TRPM8: variants seen among roughly 807,000 people sequenced by gnomAD.
TRPM8 encodes transient receptor potential cation channel subfamily M member 8.
In TRPM8, 110 loss-of-function variants were observed where a neutral mutation model predicts 133.7. The observed-to-expected ratio is 0.82, with a 90% confidence interval of 0.70 to 0.96. The LOEUF (loss-of-function observed/expected upper bound fraction) is 0.96, where lower values mean the gene tolerates loss of function less well. Among genes scored for constraint, TRPM8 ranks in the 40% least tolerant of loss-of-function variants. The pLI, the probability that TRPM8 is intolerant of heterozygous loss-of-function variation, is 0.00. For synonymous variants in TRPM8, 535 were observed against 532.3 expected (o/e 1.01, Z -0.07); for missense variants, 1,291 against 1,379.5 (o/e 0.94, Z 1.02).
At chr2:233,951,511 A>G (rs907087226) in intron 9 of TRPM8, among the ~76,000 whole-genome samples, 3 of 152,166 alleles carry the variant, frequency 2.0e-5, no homozygotes, top group Non-Finnish European at 4.4e-5. Context: ...TGACCAGGCC[A>G]TGTCCAACGA....
chr2:233,960,511 C>A (rs1268028580), intron 11 of TRPM8, among the ~76,000 whole-genome samples: 1 of 152,160 alleles, frequency 6.6e-6, no homozygotes, highest in African/African-American at 2.4e-5. Flanking sequence ...TAGCAAGGGG[C>A]CAAGTCACAT....
At chr2:233,929,624 C>T (rs1691642899) in intron 2 of TRPM8, 1 of 152,234 alleles carries the variant, frequency 6.6e-6, no homozygotes, top group Non-Finnish European at 1.5e-5. Context: ...AGCCCCACCT[C>T]CCCAGGGAAA....
chr2:233,926,549 G>C lies in TRPM8; in HGVS notation c.12G>C (p.Arg4=). 6.2e-7 allele frequency: 1 copy of C among 1,613,978 alleles called. No homozygotes were observed. The highest frequency in any genetic ancestry group is 8.5e-7 in the Non-Finnish European group (1 of 1,179,940). MSF[R]AARLSMRNRR... is the part of the protein sequence containing the mutation. ...TCGTCACAGAAAAGATGTCCTTTCG[G>C]GCAGCCAGGCTCAGCATGAGGAACA... Residue 4 remains arginine (R), a synonymous_variant, in exon 2 of 26, where the codon CGG becomes CGC. Transcript: ENST00000324695.
intron 6 of TRPM8, among the ~76,000 whole-genome samples, chr2:233,944,849 A>G (rs905586573): frequency 6.6e-6 from 1 of 152,206 alleles, no homozygotes; most frequent in African/African-American, 2.4e-5. Context: ...TTCTAAGTGT[A>G]TTACATATAT....
At chr2:234,001,169 G>C (rs1692554529) in intron 22 of TRPM8, among the ~76,000 whole-genome samples, 2 of 152,106 alleles carry the variant, frequency 1.3e-5, no homozygotes, top group South Asian at 4.1e-4. Context: ...TAAGGAGTGT[G>C]CCTCTCACAT....
At chr2:234,009,642 C>A (rs1692783137) in intron 24 of TRPM8, among the ~76,000 whole-genome samples, 1 of 152,136 alleles carries the variant, frequency 6.6e-6, no homozygotes, top group Non-Finnish European at 1.5e-5. Context: ...GCCTCCCTCC[C>A]CTTCTCCCTT....
intron 9 of TRPM8, chr2:233,953,569 A>G (rs1691221283): frequency 6.1e-6 from 1 of 164,088 alleles, no homozygotes. Flanking sequence ...GATGGTGTCT[A>G]CAGTCTTCTA....
chr2:233,990,664 T>C (rs1410754282), intron 21 of TRPM8, among the ~76,000 whole-genome samples: 2 of 152,226 alleles, frequency 1.3e-5, no homozygotes, highest in Non-Finnish European at 2.9e-5. Flanking sequence ...GGGATTTTTC[T>C]CTTCTGCTCC....
chr2:233,921,992 G>A (rs1317636739), intron 1 of TRPM8, among the ~76,000 whole-genome samples: 1 of 152,080 alleles, frequency 6.6e-6, no homozygotes, highest in Non-Finnish European at 1.5e-5. Context: ...TTTTCTGTAT[G>A]AAGGCTACTG....
At chr2:233,950,252 A>G (rs1457875611) in intron 9 of TRPM8, 106 bp downstream of exon 9, 1 of 1,161,686 alleles carries the variant, frequency 8.6e-7, no homozygotes, top group Non-Finnish European at 1.2e-6. Context: ...CGTGTTTGGT[A>G]TTTTCTCCGT....
intron 3 of TRPM8, 43 bp from the exon 4 acceptor site, chr2:233,937,310 C>T (rs764491992): frequency 1.5e-5 from 24 of 1,607,120 alleles, no homozygotes; most frequent in Non-Finnish European, 1.9e-5. Flanking sequence ...TAAGCAGGCT[C>T]AATGAAATCC....
intron 17 of TRPM8, among the ~76,000 whole-genome samples, chr2:233,979,682 C>A (rs1307299364): frequency 6.6e-6 from 1 of 152,238 alleles, no homozygotes; most frequent in Non-Finnish European, 1.5e-5. Flanking sequence ...CATCTGTCCT[C>A]ACAGAAGTTA....
At chr2:233,925,651 T>G (rs918833989) in intron 1 of TRPM8, among the ~76,000 whole-genome samples, 5 of 152,062 alleles carry the variant, frequency 3.3e-5, no homozygotes, top group Admixed American at 2.6e-4. Flanking sequence ...GAGGAAGGAC[T>G]GCTGCTGGGA....
chr2:233,946,539 C>T (rs1367383936), intron 7 of TRPM8, among the ~76,000 whole-genome samples: 1 of 152,186 alleles, frequency 6.6e-6, no homozygotes, highest in Non-Finnish European at 1.5e-5. Context: ...GTGACATGTA[C>T]TCTCTCTCTT....
intron 24 of TRPM8, among the ~76,000 whole-genome samples, chr2:234,010,067 G>C (rs1345630657): frequency 2.0e-5 from 3 of 152,148 alleles, no homozygotes; most frequent in African/African-American, 7.2e-5. Context: ...ATGCTGTACA[G>C]TTGATCTCTA....
intron 23 of TRPM8, 124 bp downstream of exon 23, chr2:234,007,076 A>G: frequency 1.5e-6 from 1 of 652,200 alleles, no homozygotes; most frequent in South Asian, 1.9e-5. Flanking sequence ...ATACCACCAC[A>G]AAGATATTAC....
chr2:233,918,010 G>C (rs569262513), intron 1 of TRPM8, among the ~76,000 whole-genome samples: 34 of 152,308 alleles, frequency 2.2e-4, no homozygotes, highest in African/African-American at 7.9e-4. Flanking sequence ...ATAAGCAAGA[G>C]AGAAACACTG....
chr2:233,946,911 T>C (rs1394534029), intron 7 of TRPM8, among the ~76,000 whole-genome samples, 177 bp from the exon 8 acceptor site: 2 of 152,236 alleles, frequency 1.3e-5, no homozygotes, highest in African/African-American at 2.4e-5. Flanking sequence ...ATTACTAGTG[T>C]GGAGCAAAAA....
intron 14 of TRPM8, among the ~76,000 whole-genome samples, chr2:233,965,394 T>C (rs1176332816): frequency 6.6e-6 from 1 of 152,216 alleles, no homozygotes. Flanking sequence ...ATTGCTCTCC[T>C]GGCATGTCTC....
Sources: gnomAD v4.1 joint callset for allele counts (sites outside exome capture counted in the v4.1 genomes callset) on GRCh38, gnomAD v4.1.1 for gene constraint, MANE v1.5 for transcripts, NCBI Gene and HGNC (gene_info 2026-07-23, HGNC 2026-07-21) for gene names.